The following MTMR3 variants were observed in gnomAD, a reference collection of about 807,000 sequenced individuals.
The protein encoded by MTMR3 is myotubularin related protein 3, also known as phosphatidylinositol-3,5-bisphosphate 3-phosphatase MTMR3.
MTMR3 carries 32 observed loss-of-function variants against 132.4 expected under a neutral mutation model. The observed-to-expected ratio is 0.24, with a 90% confidence interval of 0.18 to 0.32. MTMR3 has a LOEUF of 0.32. MTMR3 is among the 10% of genes least tolerant of loss of function. MTMR3 has a pLI of 1.00. For missense variants in MTMR3, 1,216 were observed against 1,489.6 expected (o/e 0.82, Z 3.02); for synonymous variants, 556 against 550.3 (o/e 1.01, Z -0.14).
intron 3 of MTMR3, among the ~76,000 whole-genome samples, chr22:29,977,603 T>C (rs2066654781): frequency 6.6e-6 from 1 of 152,180 alleles, no homozygotes; most frequent in Non-Finnish European, 1.5e-5. Context: ...CTTTCTATTA[T>C]GAAAATTTCA....
intron 1 of MTMR3, among the ~76,000 whole-genome samples, chr22:29,935,101 T>C (rs897668990): frequency 6.6e-6 from 1 of 152,218 alleles, no homozygotes; most frequent in African/African-American, 2.4e-5. Flanking sequence ...GTACATTAGT[T>C]TGTTCTTTGA....
chr22:30,007,824 G>A, intron 10 of MTMR3, 77 bp from the exon 11 acceptor site: 1 of 1,523,752 alleles, frequency 6.6e-7, no homozygotes, highest in Non-Finnish European at 8.9e-7. Flanking sequence ...GCCATAAGAT[G>A]TGCTTGTGGG....
chr22:30,021,738 A>C, intron 17 of MTMR3: 1 of 356,074 alleles, frequency 2.8e-6, no homozygotes, highest in Non-Finnish European at 5.1e-6. Flanking sequence ...GACATACAGA[A>C]TTCTCATTCC....
intron 5 of MTMR3, chr22:29,982,971 G>GTGTGTA (rs1555911430): frequency 3.0e-5 from 4 of 134,510 alleles, no homozygotes; most frequent in Non-Finnish European, 6.8e-5. Flanking sequence ...GTGTGTGTGT[G>GTGTGTA]TGTGTATGTG....
intron 1 of MTMR3, among the ~76,000 whole-genome samples, chr22:29,937,690 C>T (rs1054648072): frequency 1.3e-5 from 2 of 152,098 alleles, no homozygotes; most frequent in Admixed American, 6.5e-5. Flanking sequence ...AAATGCGTTT[C>T]GTAGGGAGTA....
intron 1 of MTMR3, among the ~76,000 whole-genome samples, chr22:29,955,005 G>A (rs563602605): frequency 6.6e-6 from 1 of 152,100 alleles, no homozygotes; most frequent in South Asian, 2.1e-4. Context: ...TTGTTCTTGT[G>A]ACAATCTAGG....
intron 18 of MTMR3, 199 bp from the exon 19 acceptor site, chr22:30,022,410 T>C: frequency 1.6e-6 from 1 of 619,268 alleles, no homozygotes; most frequent in Non-Finnish European, 2.9e-6. Context: ...TGCCTGCTAC[T>C]TTATCTCAGG....
At chr22:29,919,429 G>C (rs1259624494) in intron 1 of MTMR3, among the ~76,000 whole-genome samples, 1 of 152,174 alleles carries the variant, frequency 6.6e-6, no homozygotes, top group Non-Finnish European at 1.5e-5. Context: ...TCATCAAAGA[G>C]GTTGAAATTA....
chr22:29,957,378 A>C (rs1216012555), intron 2 of MTMR3, among the ~76,000 whole-genome samples: 1 of 151,200 alleles, frequency 6.6e-6, no homozygotes, highest in Non-Finnish European at 1.5e-5. Flanking sequence ...AGCACTAATC[A>C]TTTGTCTAAA....
intron 1 of MTMR3, among the ~76,000 whole-genome samples, chr22:29,922,091 A>G (rs967132631): frequency 1.3e-5 from 2 of 150,538 alleles, no homozygotes; most frequent in Admixed American, 6.7e-5. Context: ...CAGTGTCGCC[A>G]TCTGTGCTGA....
In MTMR3 at chr22:30,025,472, A is replaced by C. The variant is rs187648648; in HGVS notation, c.3426-158A>C. ...TCTGCTAGGTAGGGACACCCTCCCT[A>C]CCCAGCTTGTTCCTGGGCTAGAGAG... On this transcript the variant is annotated intron_variant, in intron 19 of 19. Transcript: ENST00000401950. 589 of 717,328 alleles carry C rather than the reference A, an allele frequency of 8.2e-4. 8 individuals are homozygous for C. The African/African-American group carries it at 9.7e-3, about 12-fold the overall frequency. 44.4% of individuals were successfully genotyped at this position (717,328 alleles called of 1,614,324 possible). A position where few individuals can be genotyped will look rare whatever the true frequency, so the allele number is the denominator to read the frequency against.
chr22:29,890,952 A>G lies in MTMR3; in HGVS notation c.-138+7593A>G, dbSNP rs147326003. Among the ~76,000 whole-genome samples, 542 of 152,158 alleles carry G rather than the reference A, an allele frequency of 3.6e-3. 2 individuals are homozygous for G. Among genetic ancestry groups the G allele is most frequent in the South Asian group, 8.1e-3 (39 of 4,820 alleles). On this transcript the variant is annotated intron_variant, in intron 1 of 19. Transcript: ENST00000401950. Reference sequence around the variant, plus strand: ...TGTTTGAGGCCAGGAGTTCAAGGCTAAAGTTCACTGTGATTGTGCTTATGA... The same window carrying G: ...TGTTTGAGGCCAGGAGTTCAAGGCTGAAGTTCACTGTGATTGTGCTTATGA...
At chr22:29,978,658 C>A (rs1381299171) in intron 4 of MTMR3, 127 bp downstream of exon 4, 7 of 710,894 alleles carry the variant, frequency 9.8e-6, no homozygotes, top group Non-Finnish European at 1.6e-5. Flanking sequence ...GAAATGCAAG[C>A]TGGAAAACAT....
intron 1 of MTMR3, among the ~76,000 whole-genome samples, chr22:29,903,369 TTTC>T (rs2065036414): frequency 6.7e-6 from 1 of 148,450 alleles, no homozygotes; most frequent in Non-Finnish European, 1.5e-5. Context: ...TGTTTTTGAT[TTTC>T]TTTTTTTCTT....
chr22:30,010,289 A>C (rs1244952590), intron 12 of MTMR3: 1 of 152,204 alleles, frequency 6.6e-6, no homozygotes, highest in African/African-American at 2.4e-5. Flanking sequence ...TGTAATCAAC[A>C]CTACATGATC....
intron 7 of MTMR3, chr22:29,996,340 C>T (rs1200057115): frequency 6.6e-6 from 1 of 152,130 alleles, no homozygotes; most frequent in African/African-American, 2.4e-5. Context: ...GCGTATAGCT[C>T]AGAATGTTGT....
chr22:29,933,920 T>G (rs761034324), intron 1 of MTMR3, among the ~76,000 whole-genome samples: 16 of 152,126 alleles, frequency 1.1e-4, no homozygotes, highest in Non-Finnish European at 2.4e-4. Flanking sequence ...AATGAGATGA[T>G]GCACTTGTGG....
intron 1 of MTMR3, among the ~76,000 whole-genome samples, chr22:29,950,879 G>A (rs558044765): frequency 8.0e-5 from 11 of 137,480 alleles, no homozygotes; most frequent in Admixed American, 7.0e-4. Flanking sequence ...TGGGCCGGGC[G>A]CAGTGGCTTA....
intron 11 of MTMR3, 24 bp from the exon 12 acceptor site, chr22:30,008,994 T>C: frequency 1.3e-6 from 2 of 1,518,752 alleles, no homozygotes; most frequent in Non-Finnish European, 1.8e-6. Context: ...GTATTTGTGT[T>C]CTCTTTATTG....
Sources: allele counts gnomAD v4.1 joint callset (sites outside exome capture counted in the v4.1 genomes callset), GRCh38; gene constraint gnomAD v4.1.1; transcripts MANE v1.5; gene names NCBI Gene and HGNC (gene_info 2026-07-23, HGNC 2026-07-21).